ZNF609: variants seen among roughly 807,000 people sequenced by gnomAD.
ZNF609 encodes zinc finger protein 609.
A neutral mutation model predicts 109.5 loss-of-function variants in ZNF609; 11 were observed. The ratio of observed to expected loss-of-function variants is 0.10; its 90% CI spans 0.06 to 0.17. ZNF609 has a LOEUF of 0.17. ZNF609 is among the 10% of genes least tolerant of loss of function. The probability of loss-of-function intolerance (pLI) is 1.00; values close to 1 mark genes in which losing one functional copy is unlikely to be tolerated. For missense variants in ZNF609, 1,559 were observed against 1,772.4 expected, an observed-to-expected ratio of 0.88 and a Z score of 2.16; for synonymous variants, 646 against 662.0, an observed-to-expected ratio of 0.98 and a Z score of 0.37.
chr15:64,607,823 CT>C (rs1221501177), intron 2 of ZNF609, among the ~76,000 whole-genome samples: 2 of 8,886 alleles, frequency 2.3e-4, no homozygotes, highest in Non-Finnish European at 4.0e-4. Context: ...TTTCTTCTTT[CT>C]TTCTTTCTTT....
chr15:64,567,252 G>A (rs958734230), intron 2 of ZNF609, among the ~76,000 whole-genome samples: 32 of 152,212 alleles, frequency 2.1e-4, no homozygotes, highest in African/African-American at 6.5e-4. Context: ...TTGGGAGGCC[G>A]AGGCGTGTGG....
intron 2 of ZNF609, among the ~76,000 whole-genome samples, chr15:64,587,394 A>C (rs1426244082): frequency 7.1e-6 from 1 of 140,520 alleles, no homozygotes; most frequent in Non-Finnish European, 1.6e-5. Flanking sequence ...CCTATTAATT[A>C]GTAGTAGGGC....
At chr15:64,483,700 A>G (rs1261923456) in intron 1 of ZNF609, among the ~76,000 whole-genome samples, 1 of 152,102 alleles carries the variant, frequency 6.6e-6, no homozygotes, top group Non-Finnish European at 1.5e-5. Context: ...TTCAGTGTCT[A>G]CTGACAGCAT....
chr15:64,522,119 G>A lies in ZNF609; in HGVS notation c.747+21953G>A, dbSNP rs141627237. On this transcript the variant is annotated intron_variant, in intron 2 of 9. Coordinates refer to ENST00000326648, the MANE Select transcript of ZNF609 (RefSeq NM_015042.2). ...GGGGCAAACTCTGTACTTGGCAAGTGAGAATGCCTTGACCTTGTGAGTTTA... is the reference window on the plus strand; with the variant it reads ...GGGGCAAACTCTGTACTTGGCAAGTAAGAATGCCTTGACCTTGTGAGTTTA... Among the ~76,000 whole-genome samples the A allele has an allele frequency of 3.2e-3, 488 of 152,312 alleles. 1 individual carries two copies. Among genetic ancestry groups the A allele is most frequent in the Admixed American group, 5.3e-3 (81 of 15,302 alleles).
At chr15:64,609,837 G>C (rs1292600669) in intron 2 of ZNF609, among the ~76,000 whole-genome samples, 1 of 148,610 alleles carries the variant, frequency 6.7e-6, no homozygotes, top group Non-Finnish European at 1.5e-5. Flanking sequence ...AGACCAGCCT[G>C]GCTAACACGG....
chr15:64,533,367 A>G (rs1449954953), intron 2 of ZNF609, among the ~76,000 whole-genome samples: 1 of 152,164 alleles, frequency 6.6e-6, no homozygotes, highest in East Asian at 1.9e-4. Context: ...TGCTTCTTAT[A>G]TAGTTTTCAA....
At chr15:64,490,222 C>T (rs1470176549) in intron 1 of ZNF609, among the ~76,000 whole-genome samples, 2 of 151,310 alleles carry the variant, frequency 1.3e-5, no homozygotes, top group Non-Finnish European at 2.9e-5. Context: ...CTCAGTCTCC[C>T]AAAGTACTGG....
intron 2 of ZNF609, among the ~76,000 whole-genome samples, chr15:64,556,606 T>G (rs956918150): frequency 6.6e-6 from 1 of 152,152 alleles, no homozygotes; most frequent in Admixed American, 6.5e-5. Context: ...TTAACAGAAA[T>G]TATTGCCCTT....
At chr15:64,530,530 T>G (rs1894045017) in intron 2 of ZNF609, among the ~76,000 whole-genome samples, 1 of 152,242 alleles carries the variant, frequency 6.6e-6, no homozygotes. Context: ...TGATACTTAT[T>G]GCCCATGGAA....
chr15:64,645,087 C>CTCCT (rs1896315426), intron 3 of ZNF609, among the ~76,000 whole-genome samples: 1 of 41,088 alleles, frequency 2.4e-5, no homozygotes, highest in Admixed American at 3.1e-4. Context: ...CTTTCTTTCC[C>CTCCT]TCCCTCCCTC....
At chr15:64,502,395 A>C (rs1299474983) in intron 2 of ZNF609, 1 of 152,202 alleles carries the variant, frequency 6.6e-6, no homozygotes, top group African/African-American at 2.4e-5. Flanking sequence ...CAGAAGAGGC[A>C]AGTTAAAGGA....
chr15:64,613,396 A>G (rs953761207), intron 2 of ZNF609, among the ~76,000 whole-genome samples: 1 of 152,150 alleles, frequency 6.6e-6, no homozygotes, highest in Non-Finnish European at 1.5e-5. Context: ...GGATTTACTC[A>G]GGGTATTCTG....
At chr15:64,556,644 T>G (rs1333217839) in intron 2 of ZNF609, among the ~76,000 whole-genome samples, 2 of 152,218 alleles carry the variant, frequency 1.3e-5, no homozygotes, top group Non-Finnish European at 2.9e-5. Context: ...TACTTAGCAC[T>G]GCTTTACTAG....
intron 2 of ZNF609, among the ~76,000 whole-genome samples, chr15:64,540,822 G>A (rs2140380493): frequency 6.7e-6 from 1 of 149,214 alleles, no homozygotes. Context: ...GAGGTCAAGA[G>A]ATCGAGACCA....
At chr15:64,491,520 A>G (rs1005884771) in intron 1 of ZNF609, among the ~76,000 whole-genome samples, 2 of 152,184 alleles carry the variant, frequency 1.3e-5, no homozygotes, top group African/African-American at 4.8e-5. Context: ...CTTGTGGGTT[A>G]GAACAACTGG....
intron 1 of ZNF609, among the ~76,000 whole-genome samples, chr15:64,483,365 A>G (rs1451762969): frequency 1.3e-5 from 2 of 151,942 alleles, no homozygotes; most frequent in Non-Finnish European, 2.9e-5. Context: ...AAGTGCTGGG[A>G]TTACAGGCGT....
intron 3 of ZNF609, among the ~76,000 whole-genome samples, chr15:64,660,539 T>G (rs1019882104): frequency 6.6e-6 from 1 of 152,162 alleles, no homozygotes; most frequent in Non-Finnish European, 1.5e-5. Context: ...GGAGACTGTG[T>G]GGCCTGCAAA....
rs967858213 is a variant in ZNF609 at position 64,684,302 on chromosome 15, A to G, written c.*2616A>G. 9 of 152,554 alleles carry G rather than the reference A, an allele frequency of 5.9e-5. No homozygotes were observed. The highest frequency in any genetic ancestry group is 2.2e-4 in the African/African-American group (9 of 41,442). 9.5% of individuals were successfully genotyped at this position (152,554 alleles called of 1,614,324 possible). On this transcript the variant is annotated 3_prime_UTR_variant, in exon 10 of 10. Coordinates refer to ENST00000326648, the MANE Select transcript of ZNF609 (RefSeq NM_015042.2). ...CCCACCCCACAAACAAAGGCTGGAA[A>G]AATTTGCTACCAAGGGCCAAGACCA... is the stretch of plus-strand genomic sequence containing the variant.
intron 2 of ZNF609, among the ~76,000 whole-genome samples, chr15:64,559,644 A>C (rs1343086917): frequency 2.6e-5 from 4 of 152,234 alleles, no homozygotes; most frequent in African/African-American, 9.6e-5. Context: ...CATATAATGA[A>C]TAATTATATT....
Sources: allele counts gnomAD v4.1 joint callset (sites outside exome capture counted in the v4.1 genomes callset), GRCh38; gene constraint gnomAD v4.1.1; transcripts MANE v1.5; gene names NCBI Gene and HGNC (gene_info 2026-07-23, HGNC 2026-07-21).